The following NAV1 variants were observed in gnomAD, a reference collection of about 807,000 sequenced individuals.
NAV1 encodes the protein neuron navigator 1.
In NAV1, 18 loss-of-function variants were observed where a neutral mutation model predicts 175.2. That is an observed-to-expected ratio of 0.10 (90% confidence interval 0.07 to 0.15). The LOEUF is 0.15. Ranked by LOEUF, NAV1 falls within the 10% of genes least tolerant of loss-of-function variation. The pLI is 1.00. For missense variants in NAV1, 1,731 were observed against 2,436.6 expected (o/e 0.71, Z 6.10); for synonymous variants, 897 against 978.7 (o/e 0.92, Z 1.56).
At chr1:201,786,526 C>T in exon 9 of NAV1, 2 of 1,613,938 alleles carry the variant, frequency 1.2e-6, no homozygotes, top group Non-Finnish European at 1.7e-6. Flanking sequence ...GCTGCCTTCT[C>T]CCCCTGCACT....
chr1:201,762,727 G>A (rs950435307), intron 3 of NAV1, among the ~76,000 whole-genome samples: 30 of 152,236 alleles, frequency 2.0e-4, no homozygotes, highest in African/African-American at 6.5e-4. Flanking sequence ...CCTACTTTTC[G>A]GAGTATTGTC....
intron 1 of NAV1, among the ~76,000 whole-genome samples, chr1:201,558,601 C>A (rs960810635): frequency 2.2e-4 from 34 of 152,238 alleles, no homozygotes; most frequent in African/African-American, 7.9e-4. Context: ...TACAGGCGCA[C>A]ACCACCACGC....
chr1:201,555,919 G>A (rs1013095977), intron 1 of NAV1, among the ~76,000 whole-genome samples: 9 of 151,898 alleles, frequency 5.9e-5, no homozygotes, highest in African/African-American at 9.7e-5. Flanking sequence ...ACTTGAGGTC[G>A]GCCTATCTGG....
chr1:201,642,525 T>TTTCTTTCTTTCTTTCTTCC (rs1553247052), intron 2 of NAV1, among the ~76,000 whole-genome samples: 1 of 100,306 alleles, frequency 1.0e-5, no homozygotes, highest in Non-Finnish European at 2.0e-5. Context: ...TTCTTTCTTT[T>TTTCTTTCTTTCTTTCTTCC]TTTCTTTCTT....
intron 28 of NAV1, chr1:201,816,852 T>TTTCTTTG (rs2102833956): frequency 2.0e-6 from 1 of 510,930 alleles, no homozygotes; most frequent in South Asian, 2.3e-5. Context: ...TTTTTTCTTT[T>TTTCTTTG]TAGTAGAAAC....
At chr1:201,805,367 CT>C (rs1678211259) in intron 17 of NAV1, among the ~76,000 whole-genome samples, 1 of 152,140 alleles carries the variant, frequency 6.6e-6, no homozygotes, top group Non-Finnish European at 1.5e-5. Context: ...GCAGGGAAGA[CT>C]TCTCAAAGGA....
chr1:201,631,022 C>T (rs1200453327), intron 2 of NAV1, among the ~76,000 whole-genome samples: 2 of 152,218 alleles, frequency 1.3e-5, no homozygotes, highest in East Asian at 3.8e-4. Flanking sequence ...AGACCACCCT[C>T]ACTGGTTAGA....
chr1:201,624,559 C>G (rs889867067), intron 1 of NAV1, among the ~76,000 whole-genome samples: 4 of 151,662 alleles, frequency 2.6e-5, no homozygotes, highest in Non-Finnish European at 5.9e-5. Flanking sequence ...TGTTAGCCAG[C>G]ATGGTCTCGA....
intron 13 of NAV1, 105 bp from the exon 18 acceptor site, chr1:201,793,687 C>G: frequency 1.0e-6 from 1 of 954,614 alleles, no homozygotes; most frequent in Non-Finnish European, 1.6e-6. Flanking sequence ...TGGCATTGGT[C>G]AGCTCCGAGA....
Position 201,810,398 on chromosome 1 carries a change from C to G in NAV1, c.4562-125C>G. 1.1e-6 allele frequency: 1 copy of G among 942,044 alleles called. No individual in the cohort carries two copies. Among genetic ancestry groups the G allele is most frequent in the Non-Finnish European group, 1.6e-6 (1 of 632,848 alleles). 58.4% of individuals were successfully genotyped at this position (942,044 alleles called of 1,614,324 possible). On this transcript the variant is annotated intron_variant, in intron 23 of 29. Coordinates refer to ENST00000367296, the Ensembl canonical transcript of NAV1. This position sits in a 1 kb window ranked among gnomAD's most constrained non-coding sequence, Gnocchi z 6.0. ...TAGGGGTTAAGGGACTCTTATGGAA[C>G]CATGGGGCAAGTGGCTCTGAGTTTC...
chr1:201,802,136 C>CAAAAAAAAAAAAAAAAAAAAAAAAAA (rs771631007), intron 15 of NAV1, among the ~76,000 whole-genome samples: 1 of 20,304 alleles, frequency 4.9e-5, no homozygotes, highest in Non-Finnish European at 1.4e-4. Context: ...GACTCCGTCT[C>CAAAAAAAAAAAAAAAAAAAAAAAAAA]AAAAAAAAAA....
At chr1:201,655,888 G>A (rs928523432) in intron 1 of NAV1, among the ~76,000 whole-genome samples, 4 of 152,184 alleles carry the variant, frequency 2.6e-5, no homozygotes, top group African/African-American at 9.7e-5. Flanking sequence ...GAATGTGGAG[G>A]GGTGTGTTGC....
intron 1 of NAV1, among the ~76,000 whole-genome samples, chr1:201,671,656 G>A (rs972449311): frequency 6.6e-6 from 1 of 152,228 alleles, no homozygotes. Flanking sequence ...ACTCCTAAGC[G>A]TTGGGTGGAC....
At chr1:201,816,929 C>A in intron 28 of NAV1, 159 bp from the exon 33 acceptor site, 1 of 633,316 alleles carries the variant, frequency 1.6e-6, no homozygotes. Flanking sequence ...CTGTCTTGGC[C>A]TCCCTAAATG....
At chr1:201,780,642 G>A (rs1339666728) in intron 4 of NAV1, 83 bp downstream of exon 8, 43 of 1,534,028 alleles carry the variant, frequency 2.8e-5, no homozygotes, top group Middle Eastern at 3.5e-4. Context: ...GGGGTTGCAC[G>A]TACACACCCA....
intron 2 of NAV1, among the ~76,000 whole-genome samples, chr1:201,607,543 G>C (rs1428626816): frequency 6.6e-6 from 1 of 152,118 alleles, no homozygotes. Flanking sequence ...CAAGGCTGGA[G>C]TTCAGTGGCA....
At chr1:201,786,206 C>A (rs557070532) in intron 8 of NAV1, among the ~76,000 whole-genome samples, 1 of 152,246 alleles carries the variant, frequency 6.6e-6, no homozygotes, top group East Asian at 1.9e-4. Context: ...GGAACCCTTA[C>A]GGGAATACCT....
intron 29 of NAV1, among the ~76,000 whole-genome samples, chr1:201,817,988 G>A (rs954999163): frequency 2.8e-4 from 43 of 152,086 alleles, no homozygotes; most frequent in African/African-American, 8.9e-4. Flanking sequence ...AGCAGTTTGG[G>A]AGGCTGAGAC....
At chr1:201,709,748 C>A (rs1671820275) in intron 1 of NAV1, among the ~76,000 whole-genome samples, 1 of 152,170 alleles carries the variant, frequency 6.6e-6, no homozygotes, top group Admixed American at 6.5e-5. Flanking sequence ...TCCTGGTCAC[C>A]CCCAAGGAAA....
Sources: gnomAD v4.1 joint callset for allele counts (sites outside exome capture counted in the v4.1 genomes callset) on GRCh38, gnomAD v4.1.1 for gene constraint, Gnocchi (gnomAD v3.1) non-coding constraint, MANE v1.5 for transcripts, NCBI Gene and HGNC (gene_info 2026-07-23, HGNC 2026-07-21) for gene names.